The following LTBP1 variants were observed in gnomAD, a reference collection of about 807,000 sequenced individuals.
The protein encoded by LTBP1 is latent-transforming growth factor beta-binding protein 1.
In LTBP1, 129 loss-of-function variants were observed where a neutral mutation model predicts 207.6. The ratio of observed to expected loss-of-function variants is 0.62; its 90% confidence interval spans 0.54 to 0.72. The LOEUF is 0.72. Ranked by LOEUF, LTBP1 falls within the 30% of genes least tolerant of loss-of-function variation. LTBP1 has a pLI of 0.00. For synonymous variants in LTBP1, 963 were observed against 833.7 expected (o/e 1.16, Z -2.67); for missense variants, 2,281 against 2,217.2 (o/e 1.03, Z -0.58).
intron 3 of LTBP1, among the ~76,000 whole-genome samples, chr2:33,037,030 T>C (rs184507443): frequency 6.6e-6 from 1 of 152,344 alleles, no homozygotes; most frequent in Admixed American, 6.5e-5. Flanking sequence ...TATATTTTTC[T>C]AGATTTTCTT....
intron 23 of LTBP1, among the ~76,000 whole-genome samples, chr2:33,313,788 T>C (rs1391594791): frequency 6.6e-6 from 1 of 152,214 alleles, no homozygotes; most frequent in Non-Finnish European, 1.5e-5. Context: ...CCCTGCAATG[T>C]ACCCAATAGG....
intron 24 of LTBP1, among the ~76,000 whole-genome samples, chr2:33,337,749 C>T (rs1193451528): frequency 6.6e-6 from 1 of 152,170 alleles, no homozygotes; most frequent in Non-Finnish European, 1.5e-5. Context: ...AACAGAATCA[C>T]CCTTCATTAA....
intron 3 of LTBP1, among the ~76,000 whole-genome samples, chr2:33,039,187 A>G (rs182619534): frequency 1.1e-4 from 16 of 152,310 alleles, no homozygotes; most frequent in Non-Finnish European, 2.1e-4. Context: ...GATGAGAGAA[A>G]ATTGAAGTTC....
chr2:33,044,200 G>A (rs924638210), intron 3 of LTBP1, among the ~76,000 whole-genome samples: 4 of 151,916 alleles, frequency 2.6e-5, no homozygotes, highest in East Asian at 3.9e-4. Flanking sequence ...ATGCCATGGT[G>A]GTTTGCTGCA....
intron 24 of LTBP1, among the ~76,000 whole-genome samples, chr2:33,324,629 A>G (rs145554822): frequency 0.019 from 2,832 of 152,066 alleles, 96 homozygotes; most frequent in African/African-American, 0.065. Context: ...GATTAAATAC[A>G]TACTTGTGAA....
intron 25 of LTBP1, among the ~76,000 whole-genome samples, chr2:33,344,146 A>C (rs2094669589): frequency 6.6e-6 from 1 of 152,248 alleles, no homozygotes. Flanking sequence ...AATTCAGTTA[A>C]TTCTCAACCA....
In LTBP1 at chr2:33,383,137, C is replaced by T. The variant is rs562100820; in HGVS notation, c.4712-6047C>T. On this transcript the variant is annotated intron_variant, in intron 31 of 33. Transcript: ENST00000404816. Reference sequence around the variant, plus strand: ...TTGGGAGGCCGAGGCAGGCAGATCACGAGGTCAGGAGCTCAAGACCAGCCT... The same window carrying T: ...TTGGGAGGCCGAGGCAGGCAGATCATGAGGTCAGGAGCTCAAGACCAGCCT... Among the ~76,000 whole-genome samples the T allele has an allele frequency of 4.3e-4, 66 of 152,302 alleles. No individual in the cohort carries two copies. In the South Asian group the frequency reaches 6.2e-3, roughly 14 times the overall value.
At chr2:33,173,036 T>C (rs1007278931) in intron 5 of LTBP1, among the ~76,000 whole-genome samples, 11 of 151,990 alleles carry the variant, frequency 7.2e-5, no homozygotes, top group East Asian at 1.9e-4. Flanking sequence ...GCACTAAATG[T>C]CCACAAGAGA....
At chr2:33,226,441 A>C (rs1208390716) in intron 9 of LTBP1, among the ~76,000 whole-genome samples, 2 of 152,252 alleles carry the variant, frequency 1.3e-5, no homozygotes, top group Non-Finnish European at 2.9e-5. Context: ...GCAGTGAAAG[A>C]AAGCAAGTTT....
chr2:33,051,040 C>T (rs138828858), intron 3 of LTBP1, among the ~76,000 whole-genome samples: 1 of 152,184 alleles, frequency 6.6e-6, no homozygotes, highest in East Asian at 1.9e-4. Context: ...CTTGAGGTTT[C>T]CTCAGCCAGA....
chr2:33,028,039 T>C (rs1188605408), intron 3 of LTBP1, among the ~76,000 whole-genome samples: 1 of 152,060 alleles, frequency 6.6e-6, no homozygotes, highest in Non-Finnish European at 1.5e-5. Context: ...GGTGAGGTAG[T>C]GTGTTGAGGA....
At position 32,975,583 on chromosome 2, in the gene LTBP1, G is replaced by GTTTTTTTT. The variant is rs779168923; in HGVS notation, c.565+26669_565+26676dup. ...TTGTTGGAGGTTTCATTCATTCTTT[G>GTTTTTTTT]TTTTTTTTTTTTTTTTTTTTTTTTT... On this transcript the variant is annotated intron_variant, in intron 2 of 33. Coordinates refer to ENST00000404816, the MANE Select transcript of LTBP1 (RefSeq NM_206943.4). Among the ~76,000 whole-genome samples the GTTTTTTTT allele has an allele frequency of 9.9e-4, 31 of 31,376 alleles. 4 individuals carry two copies. The highest frequency in any genetic ancestry group is 3.9e-3 in the South Asian group (2 of 508). The allele number at this position is 31,376 out of a possible 152,430, so 20.6% of individuals were successfully genotyped here.
At chr2:33,300,089 C>G (rs2093956038) in intron 20 of LTBP1, among the ~76,000 whole-genome samples, 1 of 152,162 alleles carries the variant, frequency 6.6e-6, no homozygotes, top group African/African-American at 2.4e-5. Flanking sequence ...CTTCTGACTT[C>G]TTTCATGCAA....
chr2:33,126,763 G>A (rs369033952), intron 4 of LTBP1, among the ~76,000 whole-genome samples: 3 of 152,182 alleles, frequency 2.0e-5, no homozygotes, highest in South Asian at 2.1e-4. Flanking sequence ...AGTCCCATAG[G>A]GGGAGTAGTT....
chr2:33,358,089 T>G (rs1376676851), intron 26 of LTBP1, among the ~76,000 whole-genome samples: 1 of 152,186 alleles, frequency 6.6e-6, no homozygotes, highest in Non-Finnish European at 1.5e-5. Context: ...ATGACCTTTG[T>G]GGACTAGTTT....
chr2:32,985,818 T>G (rs1363772107), intron 2 of LTBP1, among the ~76,000 whole-genome samples: 2 of 152,122 alleles, frequency 1.3e-5, no homozygotes, highest in Non-Finnish European at 2.9e-5. Context: ...GGTTTTACAT[T>G]TGCTCCTTTT....
intron 5 of LTBP1, among the ~76,000 whole-genome samples, chr2:33,160,860 TTAA>T (rs1341973209): frequency 1.3e-5 from 2 of 152,030 alleles, no homozygotes; most frequent in Non-Finnish European, 2.9e-5. Context: ...CTATGATAGG[TTAA>T]TAATTTTTGT....
At chr2:33,342,804 G>T (rs368056440) in intron 24 of LTBP1, 34 bp from the exon 25 acceptor site, 3 of 1,607,812 alleles carry the variant, frequency 1.9e-6, no homozygotes, top group African/African-American at 1.3e-5. Context: ...GCCTGTGTTT[G>T]TTTTGTGTCT....
At chr2:33,380,704 T>G (rs896882777) in intron 31 of LTBP1, among the ~76,000 whole-genome samples, 2 of 152,188 alleles carry the variant, frequency 1.3e-5, no homozygotes, top group Admixed American at 6.5e-5. Flanking sequence ...TATTAAATAT[T>G]TTCCCCTCCT....
Sources: allele counts gnomAD v4.1 joint callset (sites outside exome capture counted in the v4.1 genomes callset), GRCh38; gene constraint gnomAD v4.1.1; transcripts MANE v1.5; gene names NCBI Gene and HGNC (gene_info 2026-07-23, HGNC 2026-07-21).